Variants in TNS3 observed in about 807,000 individuals in gnomAD.
The protein encoded by TNS3 is tensin 3, also known as tensin-3.
Under a neutral mutation model 140.9 loss-of-function variants are expected in TNS3, and 45 were observed. That is an observed-to-expected ratio of 0.32 (90% CI 0.25 to 0.41). The LOEUF is 0.41. Among genes scored for constraint, TNS3 ranks in the 10% least tolerant of loss-of-function variants. The pLI is 1.00. For synonymous variants in TNS3, 815 were observed against 788.4 expected (o/e 1.03, Z -0.56); for missense variants, 1,716 against 1,906.7 (o/e 0.90, Z 1.86).
At chr7:47,419,676 T>G (rs1164760638) in intron 10 of TNS3, among the ~76,000 whole-genome samples, 1 of 152,214 alleles carries the variant, frequency 6.6e-6, no homozygotes, top group Non-Finnish European at 1.5e-5. Context: ...CCTCAATTAC[T>G]GCTAGAGATA....
intron 27 of TNS3, among the ~76,000 whole-genome samples, chr7:47,284,478 T>C (rs1406618923): frequency 6.6e-6 from 1 of 152,204 alleles, no homozygotes; most frequent in Non-Finnish European, 1.5e-5. Context: ...CCATCTCCTC[T>C]TGGGAGAAGA....
intron 2 of TNS3, among the ~76,000 whole-genome samples, chr7:47,526,705 C>T (rs1042273135): frequency 1.3e-5 from 2 of 152,168 alleles, no homozygotes; most frequent in East Asian, 1.9e-4. Context: ...GTAAGGAAGC[C>T]GAGAACAAGC....
intron 1 of TNS3, among the ~76,000 whole-genome samples, chr7:47,558,495 T>C (rs770186354): frequency 2.6e-5 from 4 of 151,704 alleles, no homozygotes; most frequent in Non-Finnish European, 5.9e-5. Context: ...CCCCAGCACC[T>C]CCCCACCCTG....
chr7:47,536,432 G>C (rs1269549229), intron 1 of TNS3, among the ~76,000 whole-genome samples: 1 of 152,132 alleles, frequency 6.6e-6, no homozygotes, highest in Non-Finnish European at 1.5e-5. Flanking sequence ...GTGGACCACA[G>C]AGCACCGCTG....
At chr7:47,515,254 G>A (rs753055303) in intron 2 of TNS3, among the ~76,000 whole-genome samples, 54 of 152,180 alleles carry the variant, frequency 3.5e-4, no homozygotes, top group Non-Finnish European at 5.6e-4. Flanking sequence ...GTCCAAGAAT[G>A]AGCCAGAAAA....
chr7:47,297,674 G>A (rs1786120339), intron 23 of TNS3, among the ~76,000 whole-genome samples: 1 of 152,142 alleles, frequency 6.6e-6, no homozygotes, highest in Non-Finnish European at 1.5e-5. Flanking sequence ...GTGGGAGGGA[G>A]GCTGTCGCAG....
chr7:47,540,167 A>AAGGTTCTTCCCAGGAACAAAACG (rs1338231692), intron 1 of TNS3, among the ~76,000 whole-genome samples: 58 of 152,060 alleles, frequency 3.8e-4, no homozygotes, highest in African/African-American at 1.1e-3. Flanking sequence ...GGAACAAAAC[A>AAGGTTCTTCCCAGGAACAAAACG]AGGTTCTTCC....
intron 16 of TNS3, among the ~76,000 whole-genome samples, chr7:47,378,178 T>C (rs1791517592): frequency 6.6e-6 from 1 of 152,158 alleles, no homozygotes; most frequent in African/African-American, 2.4e-5. Context: ...CTCCTTTCTG[T>C]GCTTTCCCCC....
chr7:47,556,118 G>A (rs1429820065), intron 1 of TNS3, among the ~76,000 whole-genome samples: 5 of 152,216 alleles, frequency 3.3e-5, no homozygotes, highest in Non-Finnish European at 5.9e-5. Context: ...CACAAAGGCG[G>A]AGGCAACCAG....
Position 47,293,824 on chromosome 7 carries a change from T to C in TNS3, c.3681A>G (p.Gly1227=), listed in dbSNP as rs1474975555. The change falls in exon 25 of 31, where the codon GGA becomes GGG. Residue 1227 remains glycine (G), a synonymous_variant. Transcript: ENST00000311160. ...GCCGGACGAGTTCATTGGCCAAATC[T>C]CCAGCTGTGGCAAGAAATTTAAAGA... ...PSVLQLNKKA[G]DLANELVRHF... is the part of the protein sequence containing the mutation. 6.2e-7 allele frequency: 1 copy of C among 1,614,166 alleles called. No individual in the cohort carries two copies. The highest frequency in any genetic ancestry group is 8.5e-7 in the Non-Finnish European group (1 of 1,180,036).
chr7:47,485,060 G>A (rs1444980632), intron 3 of TNS3, among the ~76,000 whole-genome samples: 10 of 152,226 alleles, frequency 6.6e-5, no homozygotes, highest in African/African-American at 2.4e-4. Flanking sequence ...AAGCCTCTGA[G>A]CTGCGCCTGG....
intron 4 of TNS3, among the ~76,000 whole-genome samples, chr7:47,473,141 C>T (rs1460342594): frequency 6.6e-6 from 1 of 152,208 alleles, no homozygotes; most frequent in Non-Finnish European, 1.5e-5. Flanking sequence ...TAACTAAACA[C>T]CACTCTGTGA....
At chr7:47,537,185 G>T (rs1350727121) in intron 1 of TNS3, among the ~76,000 whole-genome samples, 1 of 152,144 alleles carries the variant, frequency 6.6e-6, no homozygotes, top group African/African-American at 2.4e-5. Flanking sequence ...CGGCTATCTG[G>T]GGGGAGGATG....
At chr7:47,560,119 C>A (rs961481092) in intron 1 of TNS3, among the ~76,000 whole-genome samples, 6 of 152,072 alleles carry the variant, frequency 3.9e-5, no homozygotes, top group Non-Finnish European at 7.4e-5. Context: ...GACCCGCCCC[C>A]CTACCCCCAA....
chr7:47,529,048 T>C lies in TNS3; in HGVS notation c.-165A>G. On this transcript the variant is annotated 5_prime_UTR_variant, in exon 2 of 31. Coordinates refer to ENST00000311160, the MANE Select transcript of TNS3 (RefSeq NM_022748.12). ...AACACAGACTTACCTCGGCATGAAA[T>C]ACCTTGACCGTCAATAATTTGTTTG... 7.8e-7 allele frequency: 1 copy of C among 1,286,796 alleles called. No individual in the cohort carries two copies. Among genetic ancestry groups the C allele is most frequent in the Non-Finnish European group, 1.0e-6 (1 of 987,678 alleles). The allele number at this position is 1,286,796 out of a possible 1,614,324, so 79.7% of individuals were successfully genotyped here. A position where few individuals can be genotyped will look rare whatever the true frequency, so the allele number is the denominator to read the frequency against.
At position 47,287,884 on chromosome 7, in the gene TNS3, G is replaced by A. The variant is rs139465161; in HGVS notation, c.3929-4019C>T. On this transcript the variant is annotated intron_variant, in intron 27 of 30. Transcript: ENST00000311160. The stretch of plus-strand genomic sequence containing the variant: ...CTGAATGAAGTCTTGACTCTAAGAA[G>A]ACCCACCCTTAAAAAACATTTGGAG... Among the ~76,000 whole-genome samples, 779 of 152,232 alleles carry A rather than the reference G, an allele frequency of 5.1e-3. 3 individuals carry two copies. Among genetic ancestry groups the A allele is most frequent in the African/African-American group, 0.016 (653 of 41,548 alleles).
chr7:47,332,816 C>T (rs1485511192), intron 20 of TNS3, among the ~76,000 whole-genome samples: 1 of 152,196 alleles, frequency 6.6e-6, no homozygotes, highest in East Asian at 1.9e-4. Flanking sequence ...CACAGAGCTA[C>T]AGACGGGCAG....
chr7:47,364,927 G>T (rs1429482284), intron 17 of TNS3, among the ~76,000 whole-genome samples: 1 of 152,120 alleles, frequency 6.6e-6, no homozygotes, highest in East Asian at 1.9e-4. Flanking sequence ...CTAATCTTCT[G>T]ACATCTTTTT....
At chr7:47,502,525 C>T (rs1798264801) in intron 3 of TNS3, among the ~76,000 whole-genome samples, 1 of 152,206 alleles carries the variant, frequency 6.6e-6, no homozygotes, top group Admixed American at 6.5e-5. Context: ...CAGCCGCAGC[C>T]AGGACATGGG....
Sources: allele counts gnomAD v4.1 joint callset (sites outside exome capture counted in the v4.1 genomes callset), GRCh38; gene constraint gnomAD v4.1.1; transcripts MANE v1.5; gene names NCBI Gene and HGNC (gene_info 2026-07-23, HGNC 2026-07-21).